Variants in COPG2 observed in about 807,000 individuals in gnomAD.
COPG2 encodes the protein coat protein complex I subunit gamma 2.
Under a neutral mutation model 46.3 loss-of-function variants are expected in COPG2, and 37 were observed. That is an observed-to-expected ratio of 0.80 (90% CI 0.61 to 1.05). The LOEUF is 1.05. COPG2 is among the 50% of genes least tolerant of loss of function. COPG2 has a pLI of 0.00. For missense variants in COPG2, 427 were observed against 387.8 expected (o/e 1.10, Z -0.85); for synonymous variants, 159 against 129.7 (o/e 1.23, Z -1.53).
chr7:130,610,813 ATTT>A, intron 9 of COPG2, 137 bp downstream of exon 9: 1 of 838,378 alleles, frequency 1.2e-6, no homozygotes, highest in Non-Finnish European at 2.0e-6. Flanking sequence ...AAATTCCATA[ATTT>A]TTTTAAAAAA....
Position 130,662,970 on chromosome 7 carries a change from A to G in COPG2, c.240T>C (p.Asn80=). The G allele has an allele frequency of 6.5e-7, 1 of 1,540,822 alleles. No homozygotes were observed. Among genetic ancestry groups the G allele is most frequent in the Non-Finnish European group, 8.8e-7 (1 of 1,139,846 alleles). The change falls in exon 4 of 24, where the codon AAT becomes AAC. Residue 80 remains asparagine, a synonymous_variant. Transcript: ENST00000425248. ...FFAMTRLFQS[N]DQTLRRMCYL... is the part of the protein sequence containing the mutation. ...AAAAAAATTTAAAAAGACTTACATC[A>G]TTAGATTGAAACAATCGCGTCATTG...
chr7:130,610,168 T>C (rs573976873), intron 9 of COPG2: 4 of 499,816 alleles, frequency 8.0e-6, no homozygotes, highest in South Asian at 1.5e-5. Context: ...CAGTAGACAC[T>C]GATGTAACTA....
intron 9 of COPG2, among the ~76,000 whole-genome samples, chr7:130,600,293 C>T (rs181593328): frequency 3.3e-5 from 5 of 152,006 alleles, no homozygotes; most frequent in East Asian, 1.9e-4. Flanking sequence ...GAGACAGAGA[C>T]GCTGTCACCC....
At chr7:130,662,853 T>C in intron 4 of COPG2, 114 bp downstream of exon 4, 2 of 674,974 alleles carry the variant, frequency 3.0e-6, no homozygotes, top group South Asian at 3.6e-5. Context: ...TATAAGCAGT[T>C]AAATAATTTA....
intron 17 of COPG2, 60 bp from the exon 18 acceptor site, chr7:130,549,436 G>A (rs929963985): frequency 0.035 from 13,937 of 398,344 alleles, 332 homozygotes; most frequent in Middle Eastern, 0.051. Flanking sequence ...AGCTAGCAAT[G>A]CAGACAGAAA....
chr7:130,571,489 C>T (rs1462997600), intron 9 of COPG2, among the ~76,000 whole-genome samples: 2 of 152,114 alleles, frequency 1.3e-5, no homozygotes, highest in East Asian at 3.9e-4. Context: ...AAATTAAAAC[C>T]ACAATGTGGT....
chr7:130,520,365 A>G (rs1041901011), intron 20 of COPG2, among the ~76,000 whole-genome samples: 1 of 152,200 alleles, frequency 6.6e-6, no homozygotes, highest in Non-Finnish European at 1.5e-5. Context: ...GCTTGGTTGG[A>G]GGAAAAAAAT....
chr7:130,634,262 C>A (rs1359446271), intron 5 of COPG2, among the ~76,000 whole-genome samples: 1 of 151,964 alleles, frequency 6.6e-6, no homozygotes, highest in Non-Finnish European at 1.5e-5. Context: ...GTGAAGAAAG[C>A]CAATGGGAGC....
At chr7:130,617,906 G>C (rs1243842247) in intron 5 of COPG2, among the ~76,000 whole-genome samples, 4 of 151,908 alleles carry the variant, frequency 2.6e-5, no homozygotes, top group African/African-American at 9.7e-5. Flanking sequence ...TGCAAGACCA[G>C]CCTGGGAAAC....
intron 20 of COPG2, chr7:130,511,449 A>G (rs1554441000): frequency 1.9e-6 from 1 of 520,094 alleles, no homozygotes; most frequent in South Asian, 1.4e-5. Flanking sequence ...ATACACACCT[A>G]CCTGGAAAAT....
intron 5 of COPG2, among the ~76,000 whole-genome samples, chr7:130,634,467 T>C (rs1795295880): frequency 6.6e-6 from 1 of 152,216 alleles, no homozygotes; most frequent in African/African-American, 2.4e-5. Context: ...CTAGGTATTT[T>C]ATTCTTTGTA....
chr7:130,607,521 C>G (rs577599024), intron 9 of COPG2: 6 of 427,372 alleles, frequency 1.4e-5, no homozygotes, highest in African/African-American at 1.2e-4. Flanking sequence ...GGATCAAACT[C>G]CAAACTTTAT....
intron 12 of COPG2, among the ~76,000 whole-genome samples, chr7:130,560,349 C>T: frequency 6.6e-6 from 1 of 152,122 alleles, no homozygotes; most frequent in Non-Finnish European, 1.5e-5. Flanking sequence ...TAAAGAAGAT[C>T]TAAAGGGAGA....
At position 130,652,901 on chromosome 7, in the gene COPG2, G is replaced by A. The variant is rs1554459318; in HGVS notation, c.291C>T (p.Thr97=). 1 of 1,607,224 alleles carries A rather than the reference G, an allele frequency of 6.2e-7. No individual in the cohort carries two copies. Among genetic ancestry groups the A allele is most frequent in the South Asian group, 1.1e-5 (1 of 89,670 alleles). The change falls in exon 5 of 24, where the codon ACC becomes ACT. Residue 97 remains threonine (T), a synonymous_variant. Coordinates refer to ENST00000425248, the MANE Select transcript of COPG2 (RefSeq NM_012133.6). ...MCYLTIKEMA[T]ISEDVIIVTS... ...TGACAATTATCACATCCTCAGAGAT[G>A]GTAGCCATTTCTTTGATGGTAAGGT...
intron 5 of COPG2, among the ~76,000 whole-genome samples, chr7:130,624,078 T>G (rs898582362): frequency 6.6e-5 from 10 of 152,172 alleles, no homozygotes; most frequent in Non-Finnish European, 1.5e-4. Context: ...GCATCTCTTC[T>G]AGCTGTGTCT....
Position 130,667,539 on chromosome 7 carries a change from T to G in COPG2, c.38-5A>C. On this transcript the variant is annotated splice_region_variant and splice_polypyrimidine_tract_variant and intron_variant, in intron 1 of 23. Coordinates refer to ENST00000425248, the MANE Select transcript of COPG2 (RefSeq NM_012133.6). ...GGAAAGGATTGGAGCCACTACCTAT[T>G]TATAAAACAAAACAAAAAAATGTCC... The G allele has an allele frequency of 6.2e-7, 1 of 1,612,784 alleles. No individual in the cohort carries two copies. The highest frequency in any genetic ancestry group is 8.5e-7 in the Non-Finnish European group (1 of 1,179,260).
intron 20 of COPG2, among the ~76,000 whole-genome samples, chr7:130,536,329 G>T (rs902672010): frequency 1.6e-4 from 25 of 152,184 alleles, no homozygotes; most frequent in Non-Finnish European, 2.8e-4. Flanking sequence ...AAAGGCCAGG[G>T]AGTCAAGGTG....
chr7:130,513,395 A>G (rs1269183275), intron 20 of COPG2, among the ~76,000 whole-genome samples: 1 of 126,664 alleles, frequency 7.9e-6, no homozygotes, highest in African/African-American at 2.9e-5. Context: ...GTGTGTATAT[A>G]TATATATACA....
intron 5 of COPG2, among the ~76,000 whole-genome samples, chr7:130,636,417 T>G (rs1289982206): frequency 6.6e-6 from 1 of 152,192 alleles, no homozygotes; most frequent in African/African-American, 2.4e-5. Flanking sequence ...ATTTCATATA[T>G]TTAGGATAGT....
Sources: allele counts gnomAD v4.1 joint callset (sites outside exome capture counted in the v4.1 genomes callset), GRCh38; gene constraint gnomAD v4.1.1; transcripts MANE v1.5; gene names NCBI Gene and HGNC (gene_info 2026-07-23, HGNC 2026-07-21).